The following MACF1 variants were observed in gnomAD, a reference collection of about 807,000 sequenced individuals.
MACF1 encodes the protein microtubule actin crosslinking factor 1, also known as microtubule-actin cross-linking factor 1.
A neutral mutation model predicts 854.8 loss-of-function variants in MACF1; 193 were observed. The observed-to-expected ratio is 0.23, with a 90% CI of 0.20 to 0.25. The LOEUF is 0.25. Among genes scored for constraint, MACF1 ranks in the 10% least tolerant of loss-of-function variants. The probability of loss-of-function intolerance (pLI) is 1.00; values close to 1 mark genes in which losing one functional copy is unlikely to be tolerated. For missense variants in MACF1, 7,722 were observed against 8,929.1 expected, an observed-to-expected ratio of 0.86 and a Z score of 5.45; for synonymous variants, 3,185 against 3,226.7, an observed-to-expected ratio of 0.99 and a Z score of 0.44.
At position 39,357,845 on chromosome 1, in the gene MACF1, G is replaced by A. The variant is rs764831093; in HGVS notation, c.11895G>A (p.Lys3965=). Residue 3965 remains lysine (K), a synonymous_variant, in exon 45 of 101, where the codon AAG becomes AAA. Transcript: ENST00000564288. The part of the protein sequence containing the change: ...KEPSEIGNLV[K]DKLKDATERY... ...CATCAGAAATTGGAAACTTAGTAAAGGACAAGTTGAAGGATGCAACAGAAA... is the reference window on the plus strand; with the variant it reads ...CATCAGAAATTGGAAACTTAGTAAAAGACAAGTTGAAGGATGCAACAGAAA... The A allele has an allele frequency of 1.2e-6, 2 of 1,614,016 alleles. No homozygotes were observed. Among genetic ancestry groups the A allele is most frequent in the Non-Finnish European group, 8.5e-7 (1 of 1,180,002 alleles).
At chr1:39,469,223 C>A (rs1414639254) in intron 96 of MACF1, among the ~76,000 whole-genome samples, 2 of 152,158 alleles carry the variant, frequency 1.3e-5, no homozygotes, top group Middle Eastern at 3.2e-3. Context: ...CAGGTGGCCA[C>A]CTAAGCAAGA....
chr1:39,439,943 A>G (rs1204620918), intron 72 of MACF1, among the ~76,000 whole-genome samples: 1 of 152,104 alleles, frequency 6.6e-6, no homozygotes, highest in East Asian at 1.9e-4. Flanking sequence ...TCCAATTGAA[A>G]AAAACCTGCT....
At chr1:39,437,052 C>T (rs1643994471) in intron 70 of MACF1, among the ~76,000 whole-genome samples, 1 of 152,122 alleles carries the variant, frequency 6.6e-6, no homozygotes, top group African/African-American at 2.4e-5. Context: ...TGGTGGAGGG[C>T]ATCTAACTTG....
At chr1:39,464,836 C>G (rs987542570) in intron 94 of MACF1, 1 of 408,372 alleles carries the variant, frequency 2.4e-6, no homozygotes, top group Non-Finnish European at 4.5e-6. Flanking sequence ...ATTGCTTGAA[C>G]GCCGGGGTCG....
intron 51 of MACF1, among the ~76,000 whole-genome samples, chr1:39,370,930 A>C (rs1379991228): frequency 6.6e-6 from 1 of 152,198 alleles, no homozygotes; most frequent in African/African-American, 2.4e-5. Flanking sequence ...GTAGTTGTTC[A>C]TATGGTGTTC....
At chr1:39,291,584 T>C (rs1645791223) in intron 15 of MACF1, among the ~76,000 whole-genome samples, 1 of 152,214 alleles carries the variant, frequency 6.6e-6, no homozygotes, top group African/African-American at 2.4e-5. Flanking sequence ...AAAGACTCCA[T>C]AAAGAGAAAT....
At chr1:39,422,229 C>T (rs912689332) in intron 58 of MACF1, 145 bp from the exon 59 acceptor site, 8 of 585,334 alleles carry the variant, frequency 1.4e-5, no homozygotes, top group African/African-American at 1.1e-4. Flanking sequence ...TTTCTTGATG[C>T]TTCACGTGCA....
chr1:39,084,856 C>T lies in MACF1; in HGVS notation c.220+418C>T, dbSNP rs1229254658. ...CTATTTCATGACTTTCTAAATCCTA[C>T]TCTTTTTTCACTTTTTGGCTATATT... On this transcript the variant is annotated intron_variant, in intron 2 of 93. Transcript: ENST00000361689. This position sits in a 1 kb window ranked among gnomAD's most constrained non-coding sequence, Gnocchi z 5.2. Among the ~76,000 whole-genome samples, 1 of 152,180 alleles carries T rather than the reference C, an allele frequency of 6.6e-6. No individual in the cohort carries two copies. The highest frequency in any genetic ancestry group is 2.4e-5 in the African/African-American group (1 of 41,444).
chr1:39,428,344 T>G, intron 63 of MACF1, 57 bp downstream of exon 63: 2 of 1,435,156 alleles, frequency 1.4e-6, no homozygotes, highest in South Asian at 2.8e-5. Flanking sequence ...TTATTTTGAT[T>G]CATGTTTCTC....
chr1:39,403,062 G>T lies in MACF1; in HGVS notation c.15816+14404G>T, dbSNP rs532708130. On this transcript the variant is annotated intron_variant, in intron 58 of 100. Transcript: ENST00000564288. ...TCTTTTGTTTTTTTTGTTTGGTTTG[G>T]TTTTTTTTTTGTTTGGTTGTTTTGT... Among the ~76,000 whole-genome samples the T allele has an allele frequency of 1.3e-3, 181 of 139,974 alleles. 1 individual carries two copies. Among genetic ancestry groups the T allele is most frequent in the African/African-American group, 2.3e-3 (80 of 34,254 alleles). 91.8% of individuals were successfully genotyped at this position (139,974 alleles called of 152,430 possible).
chr1:39,285,145 A>T lies in MACF1; in HGVS notation c.1194A>T (p.Glu398Asp). The part of the protein sequence containing the change: ...PQGYHPNDVE[E>D]EWGKLIIEML... Reference sequence around the variant, plus strand: ...GTTATCACCCTAATGATGTGGAAGAAGAGTGGGGAAAGCTCATCATAGAGA... The same window carrying T: ...GTTATCACCCTAATGATGTGGAAGATGAGTGGGGAAAGCTCATCATAGAGA... The change falls in exon 12 of 101, where the codon GAA becomes GAT. Residue 398 changes from glutamate to aspartate, a missense_variant. Glu to Asp is a conservative substitution (Grantham distance 45). Coordinates refer to ENST00000564288, the MANE Select transcript of MACF1 (RefSeq NM_001394062.1). The T allele has an allele frequency of 6.2e-7, 1 of 1,614,226 alleles. No individual in the cohort carries two copies. Among genetic ancestry groups the T allele is most frequent in the Non-Finnish European group, 8.5e-7 (1 of 1,180,038 alleles).
rs368288688 is a variant in MACF1 at position 39,347,132 on chromosome 1, C to A, written c.10737C>A (p.Asp3579Glu). The A allele has an allele frequency of 2.3e-5, 37 of 1,614,120 alleles. No individual in the cohort carries two copies. In the East Asian group the frequency reaches 6.7e-4, roughly 29 times the overall value. ...LLNELQRSFQ[D>E]ILEQTAAQVD... ...ATGAACTGCAGAGGTCCTTCCAGGACATTTTGGAACAGACTGCCGCTCAGG... is the reference window on the plus strand; with the variant it reads ...ATGAACTGCAGAGGTCCTTCCAGGAAATTTTGGAACAGACTGCCGCTCAGG... The change falls in exon 41 of 101, where the codon GAC becomes GAA. Residue 3579 changes from aspartate (D) to glutamate (E), a missense_variant. By Grantham distance (45) the Asp-to-Glu change is conservative. Around this residue, in one of 15 missense-constraint regions of MACF1, gnomAD observed 854 missense variants for 852.6 expected, o/e 1.00. Coordinates refer to ENST00000564288, the MANE Select transcript of MACF1 (RefSeq NM_001394062.1).
intron 52 of MACF1, among the ~76,000 whole-genome samples, chr1:39,376,893 T>A (rs1430268219): frequency 6.6e-6 from 1 of 152,026 alleles, no homozygotes; most frequent in Non-Finnish European, 1.5e-5. Flanking sequence ...TTTTTTTTTT[T>A]TTTAATATTT....
At chr1:39,269,471 G>A (rs1358700935) in intron 6 of MACF1, 20 of 1,289,806 alleles carry the variant, frequency 1.6e-5, no homozygotes, top group South Asian at 9.9e-5. Flanking sequence ...AAAGACGCAC[G>A]GAGCCTTCCC....
intron 66 of MACF1, 57 bp downstream of exon 66, chr1:39,430,965 C>A: frequency 1.4e-6 from 2 of 1,447,786 alleles, no homozygotes; most frequent in Non-Finnish European, 1.9e-6. Flanking sequence ...GTGTGAGATA[C>A]AGTACTATGA....
At chr1:39,271,225 A>G (rs993600164) in intron 6 of MACF1, among the ~76,000 whole-genome samples, 15 of 152,218 alleles carry the variant, frequency 9.9e-5, no homozygotes, top group Admixed American at 9.8e-4. Flanking sequence ...TACAGAAAGC[A>G]TGATGCTGGC....
At chr1:39,096,875 C>CTT (rs34305714) in intron 2 of MACF1, among the ~76,000 whole-genome samples, 167 of 123,776 alleles carry the variant, frequency 1.3e-3, no homozygotes, top group Middle Eastern at 4.3e-3. Context: ...TGAGGGATTC[C>CTT]TTTTTTTTTT....
chr1:39,198,379 G>A (rs1215838012), intron 2 of MACF1, among the ~76,000 whole-genome samples: 1 of 151,638 alleles, frequency 6.6e-6, no homozygotes, highest in Non-Finnish European at 1.5e-5. Flanking sequence ...CGTGCCGGGC[G>A]CGGTGGCTCA....
chr1:39,334,039 T>C lies in MACF1; in HGVS notation c.7451T>C (p.Ile2484Thr). Reference protein sequence around the residue: ...SKAPLTVVQSIDRGLLEREEA... With the variant: ...SKAPLTVVQSTDRGLLEREEA... ...GCACCTTTAACAGTTGTGCAGTCCA[T>C]TGACAGAGGTCTTTTGGAGAGAGAG... The change falls in exon 37 of 101, where the codon ATT becomes ACT. Residue 2484 changes from isoleucine to threonine, a missense_variant. Physicochemically the swap from Ile to Thr is moderately conservative, Grantham distance 89. This residue lies in a region of MACF1 where 1,531 missense variants were observed against 1,601.6 expected (regional missense o/e 0.96). Transcript: ENST00000564288. 1 of 1,614,198 alleles carries C rather than the reference T, an allele frequency of 6.2e-7. No individual in the cohort carries two copies. Among genetic ancestry groups the C allele is most frequent in the Non-Finnish European group, 8.5e-7 (1 of 1,180,020 alleles).
Sources: gnomAD v4.1 joint callset for allele counts (sites outside exome capture counted in the v4.1 genomes callset) on GRCh38, gnomAD v4.1.1 for gene constraint, gnomAD v4.1.1 regional missense constraint, Gnocchi (gnomAD v3.1) non-coding constraint, MANE v1.5 for transcripts, NCBI Gene and HGNC (gene_info 2026-07-23, HGNC 2026-07-21) for gene names.